Variants in ANGPT4 observed in about 807,000 individuals in gnomAD.
ANGPT4 encodes angiopoietin 4, also known as angiopoietin-4.
Under a neutral mutation model 53.0 loss-of-function variants are expected in ANGPT4, and 50 were observed. That is an observed-to-expected ratio of 0.94 (90% CI 0.75 to 1.20). ANGPT4 has a LOEUF of 1.20. Ranked by LOEUF, ANGPT4 falls within the 50% of genes most tolerant of loss-of-function variation. ANGPT4 has a pLI of 0.00. For synonymous variants in ANGPT4, 251 were observed against 259.7 expected, an observed-to-expected ratio of 0.97 and a Z score of 0.32; for missense variants, 648 against 637.1, an observed-to-expected ratio of 1.02 and a Z score of -0.18.
rs2122130082 is a variant in ANGPT4 at position 908,747 on chromosome 20, A to G, written c.309+7159T>C. 6.9e-6 allele frequency among the ~76,000 whole-genome samples: 1 copy of G among 145,854 alleles called. No homozygotes were observed. The highest frequency in any genetic ancestry group is 2.3e-4 in the South Asian group (1 of 4,282). ...TATTCTTACCTGACAAACTAAGTTC[A>G]GAGTTGTGTATACACATTTGTGTTT... On this transcript the variant is annotated intron_variant, in intron 1 of 8. Transcript: ENST00000381922. This position sits in a 1 kb window ranked among gnomAD's most constrained non-coding sequence, Gnocchi z 4.9.
intron 1 of ANGPT4, among the ~76,000 whole-genome samples, chr20:909,673 A>T (rs982577872): frequency 6.6e-6 from 1 of 152,178 alleles, no homozygotes; most frequent in Non-Finnish European, 1.5e-5. Flanking sequence ...TCCTCACTTC[A>T]CAGATAAGGA....
chr20:898,536 T>C (rs367816979), intron 1 of ANGPT4, among the ~76,000 whole-genome samples: 21 of 152,306 alleles, frequency 1.4e-4, no homozygotes, highest in Admixed American at 8.5e-4. Context: ...GGCCACCTTA[T>C]CCTTAATATG....
chr20:901,594 G>A (rs996941143), intron 1 of ANGPT4, among the ~76,000 whole-genome samples: 3 of 152,172 alleles, frequency 2.0e-5, no homozygotes, highest in African/African-American at 4.8e-5. Context: ...ACGGACGCAC[G>A]TGACACTATG....
chr20:872,918 C>A lies in ANGPT4; in HGVS notation c.*42G>T. ...CCAGGTTGTCCAGGAGTGCCAAGTC[C>A]GAGCTTCTCCTGTGTGGTCCAGCCT... On this transcript the variant is annotated 3_prime_UTR_variant, in exon 9 of 9. Coordinates refer to ENST00000381922, the MANE Select transcript of ANGPT4 (RefSeq NM_015985.4). 1 of 1,609,290 alleles carries A rather than the reference C, an allele frequency of 6.2e-7. No homozygotes were observed. The highest frequency in any genetic ancestry group is 8.5e-7 in the Non-Finnish European group (1 of 1,177,308).
At chr20:879,870 C>T (rs773747151) in intron 5 of ANGPT4, 22 bp from the exon 6 acceptor site, 2 of 1,594,844 alleles carry the variant, frequency 1.3e-6, no homozygotes, top group Non-Finnish European at 1.7e-6. Flanking sequence ...GGGCAAGGCA[C>T]AGCTGGGAGC....
intron 4 of ANGPT4, among the ~76,000 whole-genome samples, chr20:881,824 G>T (rs1600045767): frequency 6.6e-6 from 1 of 152,174 alleles, no homozygotes; most frequent in Non-Finnish European, 1.5e-5. Flanking sequence ...AGAGTGTGGA[G>T]GGGGGCCTGG....
At chr20:897,016 A>T (rs1000513844) in intron 1 of ANGPT4, among the ~76,000 whole-genome samples, 1 of 152,046 alleles carries the variant, frequency 6.6e-6, no homozygotes, top group African/African-American at 2.4e-5. Flanking sequence ...CCTGGACAAT[A>T]AGTCTCCGTA....
At chr20:889,492 A>AT (rs1981751693) in intron 2 of ANGPT4, among the ~76,000 whole-genome samples, 1 of 152,182 alleles carries the variant, frequency 6.6e-6, no homozygotes, top group Non-Finnish European at 1.5e-5. Context: ...TTGTGTATGC[A>AT]TATCTAAACA....
chr20:910,204 C>T (rs1276506008), intron 1 of ANGPT4, among the ~76,000 whole-genome samples: 1 of 152,166 alleles, frequency 6.6e-6, no homozygotes, highest in Non-Finnish European at 1.5e-5. Context: ...CCTCAGTTTC[C>T]TCATCTGTTA....
At chr20:876,703 T>C (rs1381082398) in intron 7 of ANGPT4, among the ~76,000 whole-genome samples, 1 of 152,208 alleles carries the variant, frequency 6.6e-6, no homozygotes, top group East Asian at 1.9e-4. Context: ...TTTGCTTTAG[T>C]GGCCAGTGGC....
chr20:892,265 C>T (rs752874936), intron 1 of ANGPT4, among the ~76,000 whole-genome samples: 4 of 152,044 alleles, frequency 2.6e-5, no homozygotes, highest in East Asian at 1.9e-4. Context: ...AACAACATAA[C>T]GTTAATAATA....
chr20:891,969 A>AGT (rs1176177262), intron 1 of ANGPT4, among the ~76,000 whole-genome samples: 2 of 152,104 alleles, frequency 1.3e-5, no homozygotes, highest in Admixed American at 1.3e-4. Flanking sequence ...ACTGTGGTTA[A>AGT]CAACACCCCT....
intron 1 of ANGPT4, among the ~76,000 whole-genome samples, chr20:894,423 G>A (rs1981965533): frequency 6.6e-6 from 1 of 152,132 alleles, no homozygotes; most frequent in African/African-American, 2.4e-5. Flanking sequence ...GTGCAGTTGA[G>A]ATTTCCTCGG....
At chr20:882,590 C>A (rs568116514) in intron 4 of ANGPT4, among the ~76,000 whole-genome samples, 80 of 152,280 alleles carry the variant, frequency 5.3e-4, no homozygotes, top group African/African-American at 1.9e-3. Context: ...GCAGTGGAGA[C>A]CCCTGCCCCA....
In ANGPT4 at chr20:914,003, G is replaced by T. The variant is rs1207055801; in HGVS notation, c.309+1903C>A. ...GGGGAGATCCAGGTCATGGGTTTTG[G>T]GCTCAGGATCCCATCAATGCCAATT... On this transcript the variant is annotated intron_variant, in intron 1 of 8. Transcript: ENST00000381922. The surrounding 1 kb of genome is among the most constrained non-coding windows in gnomAD (Gnocchi z 5.0). Among the ~76,000 whole-genome samples the T allele has an allele frequency of 6.6e-6, 1 of 152,180 alleles. No homozygotes were observed. The highest frequency in any genetic ancestry group is 1.5e-5 in the Non-Finnish European group (1 of 68,034).
intron 1 of ANGPT4, among the ~76,000 whole-genome samples, chr20:915,663 C>T (rs921742346): frequency 2.6e-5 from 4 of 152,156 alleles, no homozygotes; most frequent in Non-Finnish European, 4.4e-5. Context: ...CCGTTCAGCC[C>T]TTGGTCAGGG....
chr20:906,410 C>G (rs1162566769), intron 1 of ANGPT4, among the ~76,000 whole-genome samples: 1 of 152,150 alleles, frequency 6.6e-6, no homozygotes, highest in Non-Finnish European at 1.5e-5. Context: ...GAAAAAAACC[C>G]CAAGTCGGAA....
intron 1 of ANGPT4, among the ~76,000 whole-genome samples, chr20:912,033 A>G (rs1183044857): frequency 6.6e-6 from 1 of 152,122 alleles, no homozygotes; most frequent in Non-Finnish European, 1.5e-5. Flanking sequence ...CTGGGAGCTC[A>G]GAGACTGGGG....
chr20:873,703 C>T (rs1213717658), intron 8 of ANGPT4, among the ~76,000 whole-genome samples: 2 of 152,088 alleles, frequency 1.3e-5, no homozygotes, highest in Non-Finnish European at 2.9e-5. Flanking sequence ...CCCCCATCTC[C>T]CTCTGTACTT....
Sources: gnomAD v4.1 joint callset for allele counts (sites outside exome capture counted in the v4.1 genomes callset) on GRCh38, gnomAD v4.1.1 for gene constraint, Gnocchi (gnomAD v3.1) non-coding constraint, MANE v1.5 for transcripts, NCBI Gene and HGNC (gene_info 2026-07-23, HGNC 2026-07-21) for gene names.